LPAR1: variants seen among roughly 807,000 people sequenced by gnomAD.
LPAR1 encodes LPA receptor 1.
In LPAR1, 5 loss-of-function variants were observed where a neutral mutation model predicts 23.8. The ratio of observed to expected loss-of-function variants is 0.21; its 90% confidence interval spans 0.11 to 0.44. The LOEUF is 0.44. Among genes scored for constraint, LPAR1 ranks in the 20% least tolerant of loss-of-function variants. The pLI, the probability that LPAR1 is intolerant of heterozygous loss-of-function variation, is 0.99. For missense variants in LPAR1, 311 were observed against 482.8 expected, an observed-to-expected ratio of 0.64 and a Z score of 3.33; for synonymous variants, 160 against 164.7, an observed-to-expected ratio of 0.97 and a Z score of 0.22.
chr9:110,965,168 G>A (rs536863831), intron 4 of LPAR1, among the ~76,000 whole-genome samples: 33 of 152,010 alleles, frequency 2.2e-4, no homozygotes, highest in East Asian at 3.9e-4. Context: ...GCACCCAGCC[G>A]CAATCACTTT....
intron 2 of LPAR1, among the ~76,000 whole-genome samples, chr9:111,005,575 A>AAG (rs1554729753): frequency 7.6e-5 from 10 of 131,524 alleles, no homozygotes; most frequent in African/African-American, 3.2e-4. Flanking sequence ...AAAAAAAAAA[A>AAG]AAGAAGAATT....
intron 2 of LPAR1, among the ~76,000 whole-genome samples, chr9:110,986,238 A>G (rs1049443781): frequency 6.6e-6 from 1 of 152,088 alleles, no homozygotes; most frequent in African/African-American, 2.4e-5. Flanking sequence ...GGGTGGATAC[A>G]TTTCTACTGA....
chr9:111,030,075 G>C lies in LPAR1; in HGVS notation c.-182+6047C>G, dbSNP rs144466040. On this transcript the variant is annotated intron_variant, in intron 2 of 5. Transcript: ENST00000683809. ...AAAAAAAAAAAAAAAAAAAAATTTAGTGTCCTCAGCCAAACGTAAGGACAC... is the reference window on the plus strand; with the variant it reads ...AAAAAAAAAAAAAAAAAAAAATTTACTGTCCTCAGCCAAACGTAAGGACAC... Among the ~76,000 whole-genome samples the C allele has an allele frequency of 9.5e-3, 1,396 of 147,584 alleles. 24 individuals are homozygous for C. The highest frequency in any genetic ancestry group is 0.033 in the African/African-American group (1,308 of 39,906).
At chr9:110,964,853 C>CTTTT (rs35426082) in intron 4 of LPAR1, among the ~76,000 whole-genome samples, 15 of 67,110 alleles carry the variant, frequency 2.2e-4, no homozygotes, top group East Asian at 4.0e-4. Context: ...ACACCAATCA[C>CTTTT]TTTTTTTTTT....
At chr9:110,930,696 A>T (rs1482085384) in intron 5 of LPAR1, among the ~76,000 whole-genome samples, 1 of 151,886 alleles carries the variant, frequency 6.6e-6, no homozygotes, top group Non-Finnish European at 1.5e-5. Context: ...TGGGTGGATC[A>T]CCTGATGTTG....
chr9:110,962,032 C>G (rs1382806017), intron 4 of LPAR1, among the ~76,000 whole-genome samples: 3 of 152,162 alleles, frequency 2.0e-5, no homozygotes, highest in African/African-American at 7.2e-5. Context: ...CATTTGCCAC[C>G]TTGTTTCTCC....
At chr9:110,950,689 TA>T (rs2095542179) in intron 4 of LPAR1, among the ~76,000 whole-genome samples, 1 of 152,004 alleles carries the variant, frequency 6.6e-6, no homozygotes, top group South Asian at 2.1e-4. Context: ...ACATTTACAG[TA>T]ACAAGAGCTC....
Position 110,916,645 on chromosome 9 carries a change from C to T in LPAR1, c.793+24776G>A, listed in dbSNP as rs571722381. Among the ~76,000 whole-genome samples the T allele has an allele frequency of 2.6e-4, 39 of 152,016 alleles. No homozygotes were observed. The South Asian group carries it at 8.1e-3, about 32-fold the overall frequency. ...CCCTTGGGTTGGCCATACTTTTTTT[C>T]CTCTTCTGTCTTGTAGCTGAGGTGG... On this transcript the variant is annotated intron_variant, in intron 5 of 5. Coordinates refer to ENST00000683809, the MANE Select transcript of LPAR1 (RefSeq NM_001351411.2).
chr9:110,986,859 C>T (rs2096793232), intron 2 of LPAR1, among the ~76,000 whole-genome samples: 1 of 152,178 alleles, frequency 6.6e-6, no homozygotes, highest in East Asian at 1.9e-4. Flanking sequence ...GAGAATGAAT[C>T]AAAATCAATA....
chr9:110,898,606 A>C (rs2087367605), intron 5 of LPAR1, among the ~76,000 whole-genome samples: 1 of 152,336 alleles, frequency 6.6e-6, no homozygotes, highest in South Asian at 2.1e-4. Context: ...CACGAGATGA[A>C]GACAGCTATG....
intron 5 of LPAR1, among the ~76,000 whole-genome samples, chr9:110,911,363 A>G (rs2092405504): frequency 6.6e-6 from 1 of 152,112 alleles, no homozygotes; most frequent in South Asian, 2.1e-4. Context: ...CCTGGGCAAC[A>G]TAGCGAGATG....
At chr9:110,972,306 C>A in intron 3 of LPAR1, 86 bp from the exon 4 acceptor site, 1 of 579,988 alleles carries the variant, frequency 1.7e-6, no homozygotes, top group South Asian at 2.2e-5. Flanking sequence ...AGGTAAGAAT[C>A]CCTAGACATC....
intron 5 of LPAR1, among the ~76,000 whole-genome samples, chr9:110,899,097 T>C (rs2087649327): frequency 6.6e-6 from 1 of 152,196 alleles, no homozygotes; most frequent in African/African-American, 2.4e-5. Flanking sequence ...ATGTTAAGAA[T>C]GGAATGTTAA....
At position 110,972,608 on chromosome 9, in the gene LPAR1, C is replaced by G. The variant is rs141458889; in HGVS notation, c.-103-388G>C. On this transcript the variant is annotated intron_variant, in intron 3 of 5. Coordinates refer to ENST00000683809, the MANE Select transcript of LPAR1 (RefSeq NM_001351411.2). ...GCAAAGAGAATGCAGTAACCACCCC[C>G]ACTTATCTGAGGAGTGGATTCTAAG... Among the ~76,000 whole-genome samples, 804 of 152,228 alleles carry G rather than the reference C, an allele frequency of 5.3e-3. 4 individuals are homozygous for G. The highest frequency in any genetic ancestry group is 8.9e-3 in the Non-Finnish European group (605 of 68,014).
At chr9:110,921,615 T>C (rs1306059906) in intron 5 of LPAR1, among the ~76,000 whole-genome samples, 1 of 152,198 alleles carries the variant, frequency 6.6e-6, no homozygotes, top group Non-Finnish European at 1.5e-5. Flanking sequence ...AGCAGGTTAA[T>C]CCGGAGTCCA....
chr9:110,978,383 C>G (rs188514645), intron 2 of LPAR1, among the ~76,000 whole-genome samples: 234 of 152,198 alleles, frequency 1.5e-3, no homozygotes, highest in Non-Finnish European at 2.8e-3. Context: ...GATTTTAAAG[C>G]CTTCGTCTCC....
intron 4 of LPAR1, among the ~76,000 whole-genome samples, chr9:110,947,599 A>C (rs995931019): frequency 6.6e-6 from 1 of 152,218 alleles, no homozygotes; most frequent in Non-Finnish European, 1.5e-5. Flanking sequence ...CATGCAATTC[A>C]TTCATCCATG....
intron 2 of LPAR1, among the ~76,000 whole-genome samples, chr9:110,989,959 T>C (rs974854107): frequency 1.2e-5 from 1 of 83,112 alleles, no homozygotes; most frequent in Non-Finnish European, 2.7e-5. Flanking sequence ...AATATTAAAA[T>C]CTAACAGAGT....
At chr9:111,003,387 G>A (rs2097163389) in intron 2 of LPAR1, among the ~76,000 whole-genome samples, 1 of 152,086 alleles carries the variant, frequency 6.6e-6, no homozygotes, top group African/African-American at 2.4e-5. Flanking sequence ...AAGCCCGCAA[G>A]AGTGAGACCA....
Sources: gnomAD v4.1 joint callset for allele counts (sites outside exome capture counted in the v4.1 genomes callset) on GRCh38, gnomAD v4.1.1 for gene constraint, MANE v1.5 for transcripts, NCBI Gene and HGNC (gene_info 2026-07-23, HGNC 2026-07-21) for gene names.